Variants in DPP10 observed in about 807,000 individuals in gnomAD.
The protein encoded by DPP10 is dipeptidyl peptidase like 10.
In DPP10, 33 loss-of-function variants were observed where a neutral mutation model predicts 120.9. The ratio of observed to expected loss-of-function variants is 0.27; its 90% CI spans 0.21 to 0.37. The LOEUF is 0.37. Ranked by LOEUF, DPP10 falls within the 10% of genes least tolerant of loss-of-function variation. The pLI is 1.00. For missense variants in DPP10, 816 were observed against 942.8 expected (o/e 0.87, Z 1.76); for synonymous variants, 337 against 326.1 (o/e 1.03, Z -0.36).
chr2:115,671,850 T>C (rs148652555), intron 5 of DPP10, among the ~76,000 whole-genome samples: 1 of 152,172 alleles, frequency 6.6e-6, no homozygotes, highest in Middle Eastern at 3.2e-3. Flanking sequence ...AGAATTTTTA[T>C]TCAGCATTTC....
chr2:114,958,233 A>G lies in DPP10; in HGVS notation c.61-351006A>G, dbSNP rs573059089. Among the ~76,000 whole-genome samples the G allele has an allele frequency of 2.3e-3, 345 of 152,340 alleles. 2 individuals are homozygous for G. Among genetic ancestry groups the G allele is most frequent in the Non-Finnish European group, 3.8e-3 (258 of 68,036 alleles). ...TTTGAACACAGTTTGAACACTCAGC[A>G]GTGTATGAGTGGTTGAAGTATGGCT... On this transcript the variant is annotated intron_variant, in intron 1 of 25. Transcript: ENST00000410059.
chr2:114,946,558 G>T (rs1226339928), intron 1 of DPP10, among the ~76,000 whole-genome samples: 1 of 152,064 alleles, frequency 6.6e-6, no homozygotes, highest in Admixed American at 6.5e-5. Flanking sequence ...CCCTATTCAT[G>T]TAATGTTTCT....
At chr2:115,436,378 G>T (rs980012759) in intron 3 of DPP10, among the ~76,000 whole-genome samples, 2 of 146,522 alleles carry the variant, frequency 1.4e-5, no homozygotes, top group African/African-American at 5.0e-5. Context: ...TTTAAATCTA[G>T]AGACAAGCAC....
intron 1 of DPP10, among the ~76,000 whole-genome samples, chr2:114,511,839 C>T (rs1181611621): frequency 2.0e-5 from 3 of 152,192 alleles, no homozygotes; most frequent in South Asian, 2.1e-4. Context: ...GGCATCACCC[C>T]AGAACAGAAC....
chr2:114,509,790 G>A (rs1049882291), intron 1 of DPP10, among the ~76,000 whole-genome samples: 1 of 152,172 alleles, frequency 6.6e-6, no homozygotes, highest in African/African-American at 2.4e-5. Flanking sequence ...TGCCAATTTG[G>A]AAATGCAGAA....
Position 114,642,633 on chromosome 2 carries a change from T to C in DPP10, c.60+199795T>C, listed in dbSNP as rs562001270. On this transcript the variant is annotated intron_variant, in intron 1 of 25. Coordinates refer to ENST00000410059, the MANE Select transcript of DPP10 (RefSeq NM_020868.6). ...GATACCACAGTAAAATAAATGACTA[T>C]CGAGAAAGCAGGAGGAACAGCTCAC... is the stretch of plus-strand genomic sequence containing the variant. Among the ~76,000 whole-genome samples the C allele has an allele frequency of 2.5e-4, 38 of 151,488 alleles. 1 individual carries two copies. The highest frequency in any genetic ancestry group is 8.5e-4 in the African/African-American group (35 of 41,032).
At chr2:115,756,891 G>A (rs1405713027) in intron 11 of DPP10, among the ~76,000 whole-genome samples, 4 of 152,042 alleles carry the variant, frequency 2.6e-5, no homozygotes, top group Non-Finnish European at 5.9e-5. Context: ...GAGAGAGAGA[G>A]AAACAAAAGG....
chr2:115,574,895 T>C lies in DPP10; in HGVS notation c.441+48923T>C, dbSNP rs376422943. Among the ~76,000 whole-genome samples, 62 of 152,250 alleles carry C rather than the reference T, an allele frequency of 4.1e-4. No homozygotes were observed. In the East Asian group the frequency reaches 7.1e-3, roughly 18 times the overall value. ...GTTTACCTGCTGTGCCAGACCCAGT[T>C]TGTGGTCATCACTGTGTCCATGAGA... On this transcript the variant is annotated intron_variant, in intron 5 of 25. Transcript: ENST00000410059.
intron 1 of DPP10, among the ~76,000 whole-genome samples, chr2:115,206,934 C>T (rs10496483): frequency 0.88 from 133,596 of 152,242 alleles, 58,686 homozygotes; most frequent in East Asian, 0.92. Context: ...ATCATAAGAC[C>T]TAATAGAACT....
chr2:115,353,516 C>G (rs925248422), intron 3 of DPP10, among the ~76,000 whole-genome samples: 5 of 152,028 alleles, frequency 3.3e-5, no homozygotes, highest in African/African-American at 1.2e-4. Flanking sequence ...TTTAAAATTG[C>G]TCTGATAAAT....
intron 1 of DPP10, among the ~76,000 whole-genome samples, chr2:115,268,951 A>T (rs1230351101): frequency 6.6e-6 from 1 of 152,166 alleles, no homozygotes; most frequent in Non-Finnish European, 1.5e-5. Flanking sequence ...GTTCAAGACC[A>T]GCTTGGCCAA....
chr2:115,028,594 T>G (rs979758522), intron 1 of DPP10, among the ~76,000 whole-genome samples: 5 of 152,038 alleles, frequency 3.3e-5, no homozygotes, highest in African/African-American at 4.8e-5. Flanking sequence ...GGGTCTAGTG[T>G]GTAGTTTAAC....
intron 3 of DPP10, among the ~76,000 whole-genome samples, chr2:115,498,762 G>GTAATA: frequency 6.7e-6 from 1 of 149,458 alleles, no homozygotes; most frequent in East Asian, 2.0e-4. Context: ...TATCCTGTCA[G>GTAATA]TTTTACCTCG....
At chr2:114,940,818 T>G (rs1696840114) in intron 1 of DPP10, among the ~76,000 whole-genome samples, 1 of 152,210 alleles carries the variant, frequency 6.6e-6, no homozygotes, top group Non-Finnish European at 1.5e-5. Flanking sequence ...ACTCCTGTGC[T>G]GCACACATTT....
chr2:114,918,012 A>G (rs1369806211), intron 1 of DPP10, among the ~76,000 whole-genome samples: 1 of 152,106 alleles, frequency 6.6e-6, no homozygotes, highest in Admixed American at 6.5e-5. Flanking sequence ...TCAACAGCAT[A>G]AACAATCTAC....
chr2:115,058,306 C>T (rs1182627443), intron 1 of DPP10, among the ~76,000 whole-genome samples: 1 of 143,172 alleles, frequency 7.0e-6, no homozygotes, highest in Non-Finnish European at 1.5e-5. Context: ...AAAAAAAAGG[C>T]ACACTCCTAG....
At chr2:114,742,714 T>A (rs1558692482) in intron 1 of DPP10, among the ~76,000 whole-genome samples, 1 of 152,324 alleles carries the variant, frequency 6.6e-6, no homozygotes, top group East Asian at 1.9e-4. Context: ...ACAATACTGG[T>A]GATCGAACAG....
intron 1 of DPP10, among the ~76,000 whole-genome samples, chr2:115,218,852 T>C (rs1269603667): frequency 6.6e-6 from 1 of 152,118 alleles, no homozygotes; most frequent in East Asian, 1.9e-4. Context: ...TTGTTTTTAA[T>C]TGAAGGAAAG....
intron 1 of DPP10, among the ~76,000 whole-genome samples, chr2:114,867,621 C>T (rs1436627471): frequency 1.3e-5 from 2 of 152,136 alleles, no homozygotes; most frequent in Non-Finnish European, 2.9e-5. Context: ...TGATCTTGCT[C>T]GAACTTTGAA....
Sources: allele counts gnomAD v4.1 joint callset (sites outside exome capture counted in the v4.1 genomes callset), GRCh38; gene constraint gnomAD v4.1.1; transcripts MANE v1.5; gene names NCBI Gene and HGNC (gene_info 2026-07-23, HGNC 2026-07-21).